The following HDLBP variants were observed in gnomAD, a reference collection of about 807,000 sequenced individuals.
HDLBP encodes high density lipoprotein binding protein.
Under a neutral mutation model 137.3 loss-of-function variants are expected in HDLBP, and 30 were observed. The ratio of observed to expected loss-of-function variants is 0.22; its 90% CI spans 0.16 to 0.30. The LOEUF (loss-of-function observed/expected upper bound fraction) is 0.30, where lower values mean the gene tolerates loss of function less well. Ranked by LOEUF, HDLBP falls within the 10% of genes least tolerant of loss-of-function variation. The pLI, the probability that HDLBP is intolerant of heterozygous loss-of-function variation, is 1.00. For synonymous variants in HDLBP, 606 were observed against 596.0 expected, an observed-to-expected ratio of 1.02 and a Z score of -0.24; for missense variants, 1,119 against 1,667.3, an observed-to-expected ratio of 0.67 and a Z score of 5.73.
intron 24 of HDLBP, among the ~76,000 whole-genome samples, chr2:241,231,980 G>A (rs927057099): frequency 5.3e-5 from 8 of 152,114 alleles, no homozygotes; most frequent in Non-Finnish European, 8.8e-5. Context: ...CTAGAGGACA[G>A]GGACAAATGC....
At chr2:241,271,963 G>C (rs2074075766) in intron 1 of HDLBP, 1 of 153,518 alleles carries the variant, frequency 6.5e-6, no homozygotes, top group Non-Finnish European at 1.4e-5. Context: ...AACTTTCGCA[G>C]ATGCCACCTC....
Position 241,255,713 on chromosome 2 carries a change from AG to A in HDLBP, c.874-134del, listed in dbSNP as rs2072560969. The A allele has an allele frequency of 2.3e-5, 16 of 694,800 alleles. No individual in the cohort carries two copies. The South Asian group carries it at 2.7e-4, about 12-fold the overall frequency. The allele number at this position is 694,800 out of a possible 1,614,324, so 43.0% of individuals were successfully genotyped here. On this transcript the variant is annotated intron_variant, in intron 7 of 27. Transcript: ENST00000310931. ...TGCTGATCCCAAGAAGTGAACAACAAGTGATCAGGACTAGCCAATCCCCAGA... is the reference window on the plus strand; with the variant it reads ...TGCTGATCCCAAGAAGTGAACAACAATGATCAGGACTAGCCAATCCCCAGA...
intron 1 of HDLBP, among the ~76,000 whole-genome samples, chr2:241,312,421 T>A (rs1467138106): frequency 6.6e-6 from 1 of 152,236 alleles, no homozygotes; most frequent in Non-Finnish European, 1.5e-5. Context: ...TTTTAAAATA[T>A]TATACACATG....
chr2:241,297,493 T>C (rs990532963), intron 1 of HDLBP, among the ~76,000 whole-genome samples: 3 of 152,200 alleles, frequency 2.0e-5, no homozygotes, highest in Non-Finnish European at 4.4e-5. Context: ...TGAGACTGTG[T>C]TAAAAATACA....
intron 21 of HDLBP, among the ~76,000 whole-genome samples, chr2:241,235,903 C>T (rs1425980173): frequency 1.3e-5 from 2 of 152,170 alleles, no homozygotes; most frequent in Admixed American, 6.5e-5. Flanking sequence ...GGGGTCATGA[C>T]GGCTTTGACC....
chr2:241,257,523 G>A (rs111381716), intron 5 of HDLBP, among the ~76,000 whole-genome samples: 65 of 152,204 alleles, frequency 4.3e-4, no homozygotes, highest in African/African-American at 1.4e-3. Flanking sequence ...GAGCCACTGC[G>A]CCTGGCCAAA....
chr2:241,242,412 T>C, intron 17 of HDLBP, 48 bp downstream of exon 17: 5 of 1,524,476 alleles, frequency 3.3e-6, no homozygotes, highest in Non-Finnish European at 4.5e-6. Flanking sequence ...AACACTGTAC[T>C]GAGGACCAGG....
At chr2:241,277,580 A>C (rs1036273325) in intron 1 of HDLBP, among the ~76,000 whole-genome samples, 9 of 152,248 alleles carry the variant, frequency 5.9e-5, no homozygotes, top group African/African-American at 2.2e-4. Context: ...TGAAATGGGC[A>C]AATTCTAGAA....
intron 20 of HDLBP, among the ~76,000 whole-genome samples, chr2:241,237,538 G>T (rs573627550): frequency 6.6e-6 from 1 of 152,344 alleles, no homozygotes; most frequent in East Asian, 1.9e-4. Context: ...CTAGGATGGG[G>T]AAGTAGGTGT....
At chr2:241,311,000 G>A (rs1045104996) in intron 1 of HDLBP, among the ~76,000 whole-genome samples, 23 of 152,154 alleles carry the variant, frequency 1.5e-4, no homozygotes, top group African/African-American at 5.6e-4. Flanking sequence ...TGTAGTCCCA[G>A]GTACTTGGGA....
Position 241,258,924 on chromosome 2 carries a change from G to A in HDLBP, c.451-2118C>T, listed in dbSNP as rs377714894. Reference sequence around the variant, plus strand: ...AAGGAAATTTAGCATCCGATGGCCCGATTCCACATGCAGCCACCCTCTGAC... The same window carrying A: ...AAGGAAATTTAGCATCCGATGGCCCAATTCCACATGCAGCCACCCTCTGAC... On this transcript the variant is annotated intron_variant, in intron 5 of 27. Transcript: ENST00000310931. Among the ~76,000 whole-genome samples the A allele has an allele frequency of 4.6e-5, 7 of 152,266 alleles. No individual in the cohort carries two copies. The South Asian group carries it at 8.3e-4, about 18-fold the overall frequency.
chr2:241,250,851 A>G (rs1208359442), intron 11 of HDLBP: 2 of 152,194 alleles, frequency 1.3e-5, no homozygotes, highest in Non-Finnish European at 2.9e-5. Context: ...ACGAAAGAAG[A>G]CAAGAGTTAG....
At chr2:241,259,249 TCAAACAA>T (rs1221789199) in intron 5 of HDLBP, among the ~76,000 whole-genome samples, 2 of 152,152 alleles carry the variant, frequency 1.3e-5, no homozygotes, top group African/African-American at 4.8e-5. Flanking sequence ...GCTTCTGCTC[TCAAACAA>T]CAAACAACAA....
rs986891006 is a variant in HDLBP at position 241,279,024 on chromosome 2, C to T, written c.-102-10483G>A. On this transcript the variant is annotated intron_variant, in intron 1 of 27. Coordinates refer to ENST00000310931, the MANE Select transcript of HDLBP (RefSeq NM_005336.6). The stretch of plus-strand genomic sequence containing the variant: ...TGAGCAACAGCGTGAGACTCTGTCC[C>T]CTCTCCACCCCTCTAAAAAAATTTT... 4.1e-5 allele frequency among the ~76,000 whole-genome samples: 6 copies of T among 147,702 alleles called. No homozygotes were observed. The South Asian group carries it at 6.6e-4, about 16-fold the overall frequency.
chr2:241,240,058 T>C lies in HDLBP; in HGVS notation c.2234A>G (p.Lys745Arg). 6.2e-7 allele frequency: 1 copy of C among 1,614,184 alleles called. No homozygotes were observed. The highest frequency in any genetic ancestry group is 8.5e-7 in the Non-Finnish European group (1 of 1,180,034). The change falls in exon 18 of 28, where the codon AAG becomes AGG. Residue 745 changes from lysine to arginine, a missense_variant. Coordinates refer to ENST00000310931, the MANE Select transcript of HDLBP (RefSeq NM_005336.6). This position sits in a 1 kb window ranked among gnomAD's most constrained non-coding sequence, Gnocchi z 5.5. ...KPEYHKFLIG[K>R]GGGKIRKVRD... ...CACCTTGCGAATTTTGCCGCCCCCC[T>C]TGCCGATGAGGAATTTGTGGTATTC...
chr2:241,273,513 C>T (rs1370530884), intron 1 of HDLBP: 15 of 844,550 alleles, frequency 1.8e-5, no homozygotes, highest in Non-Finnish European at 1.7e-5. Flanking sequence ...GGGTCTCCAC[C>T]CTCCGGGAAG....
intron 1 of HDLBP, among the ~76,000 whole-genome samples, chr2:241,284,659 C>A (rs1273958383): frequency 6.6e-6 from 1 of 152,280 alleles, no homozygotes; most frequent in East Asian, 1.9e-4. Flanking sequence ...TGCAATCAAA[C>A]AACATCACGT....
chr2:241,287,049 CA>C (rs1416923827), intron 1 of HDLBP, among the ~76,000 whole-genome samples: 1 of 152,164 alleles, frequency 6.6e-6, no homozygotes, highest in Non-Finnish European at 1.5e-5. Context: ...CTCTGTGCCT[CA>C]AAACAGGTCA....
At chr2:241,285,179 C>G (rs1389381904) in intron 1 of HDLBP, among the ~76,000 whole-genome samples, 1 of 152,238 alleles carries the variant, frequency 6.6e-6, no homozygotes, top group Non-Finnish European at 1.5e-5. Flanking sequence ...TGCGCCCAGC[C>G]TTAACCATTA....
Sources: gnomAD v4.1 joint callset for allele counts (sites outside exome capture counted in the v4.1 genomes callset) on GRCh38, gnomAD v4.1.1 for gene constraint, Gnocchi (gnomAD v3.1) non-coding constraint, MANE v1.5 for transcripts, NCBI Gene and HGNC (gene_info 2026-07-23, HGNC 2026-07-21) for gene names.